The following METTL15 variants were observed in gnomAD, a reference collection of about 807,000 sequenced individuals.
METTL15 encodes the protein 12S rRNA N(4)-cytidine methyltransferase METTL15.
A neutral mutation model predicts 38.3 loss-of-function variants in METTL15; 34 were observed. That is an observed-to-expected ratio of 0.89 (90% CI 0.68 to 1.18). METTL15 has a LOEUF of 1.18. METTL15 is among the 50% of genes most tolerant of loss of function. METTL15 has a pLI of 0.00. For synonymous variants in METTL15, 162 were observed against 170.9 expected (o/e 0.95, Z 0.41); for missense variants, 438 against 498.4 (o/e 0.88, Z 1.15).
intron 6 of METTL15, among the ~76,000 whole-genome samples, chr11:28,430,940 G>A (rs867251118): frequency 8.3e-5 from 9 of 108,014 alleles, no homozygotes; most frequent in East Asian, 5.4e-4. Context: ...CGCCCCGTCC[G>A]GGAGGTGAGG....
intron 6 of METTL15, among the ~76,000 whole-genome samples, chr11:28,500,088 C>G (rs1271747349): frequency 2.6e-5 from 4 of 151,248 alleles, no homozygotes; most frequent in African/African-American, 7.3e-5. Context: ...AAGATGAAGT[C>G]CTGATGCCTT....
At chr11:28,387,141 T>G (rs1037177547) in intron 5 of METTL15, among the ~76,000 whole-genome samples, 2 of 151,770 alleles carry the variant, frequency 1.3e-5, no homozygotes, top group African/African-American at 4.8e-5. Context: ...ATTTTATGCC[T>G]CAGAGAAATA....
intron 4 of METTL15, among the ~76,000 whole-genome samples, chr11:28,284,146 C>T (rs983479732): frequency 6.6e-6 from 1 of 152,110 alleles, no homozygotes; most frequent in Non-Finnish European, 1.5e-5. Flanking sequence ...AAACACATAA[C>T]TGATGTAGCA....
At chr11:28,483,610 A>G (rs1219169977) in intron 6 of METTL15, among the ~76,000 whole-genome samples, 1 of 152,202 alleles carries the variant, frequency 6.6e-6, no homozygotes, top group African/African-American at 2.4e-5. Flanking sequence ...TGTGGGCCAT[A>G]TAGCCTGTGT....
At chr11:28,194,605 T>A (rs1036881411) in intron 3 of METTL15, among the ~76,000 whole-genome samples, 13 of 152,142 alleles carry the variant, frequency 8.5e-5, no homozygotes, top group South Asian at 2.1e-4. Flanking sequence ...ATACATTTTT[T>A]AATAAGGAAA....
At chr11:28,499,733 G>A (rs1054131196) in intron 6 of METTL15, among the ~76,000 whole-genome samples, 1 of 152,116 alleles carries the variant, frequency 6.6e-6, no homozygotes, top group Non-Finnish European at 1.5e-5. Flanking sequence ...ACACTGTTGG[G>A]CATTTCAGAG....
chr11:28,245,629 T>C (rs993625792), intron 4 of METTL15, among the ~76,000 whole-genome samples: 2 of 152,208 alleles, frequency 1.3e-5, no homozygotes, highest in African/African-American at 4.8e-5. Context: ...TGGTCCATTC[T>C]CACATTGCTA....
At chr11:28,351,652 T>A (rs1432388882) in intron 3 of METTL15, among the ~76,000 whole-genome samples, 1 of 152,224 alleles carries the variant, frequency 6.6e-6, no homozygotes, top group African/African-American at 2.4e-5. Context: ...TAGTATGATA[T>A]ATGTGTCTTT....
At chr11:28,312,794 T>G (rs1052795525) in intron 6 of METTL15, among the ~76,000 whole-genome samples, 5 of 152,128 alleles carry the variant, frequency 3.3e-5, no homozygotes, top group African/African-American at 1.2e-4. Flanking sequence ...CAACTCATCC[T>G]CTTCTCAGGA....
At chr11:28,208,142 C>T (rs1005629868) in intron 3 of METTL15, among the ~76,000 whole-genome samples, 4 of 151,928 alleles carry the variant, frequency 2.6e-5, no homozygotes, top group African/African-American at 4.8e-5. Context: ...TATTTCTTGC[C>T]TTCTGCTAAC....
intron 4 of METTL15, among the ~76,000 whole-genome samples, chr11:28,227,833 C>T (rs2133876837): frequency 6.6e-6 from 1 of 152,006 alleles, no homozygotes; most frequent in Non-Finnish European, 1.5e-5. Flanking sequence ...GGAATTGCTG[C>T]TGTATCTGAA....
intron 6 of METTL15, among the ~76,000 whole-genome samples, chr11:28,483,019 C>G (rs1851408332): frequency 1.3e-5 from 2 of 151,742 alleles, no homozygotes; most frequent in Admixed American, 6.6e-5. Flanking sequence ...CCCCACATAA[C>G]CATACTTCAG....
intron 6 of METTL15, among the ~76,000 whole-genome samples, chr11:28,470,823 G>A (rs756251554): frequency 2.1e-4 from 32 of 152,074 alleles, no homozygotes; most frequent in Admixed American, 2.6e-4. Flanking sequence ...CATTTTCCAC[G>A]AAAAATTCCT....
intron 5 of METTL15, among the ~76,000 whole-genome samples, chr11:28,375,320 A>G (rs1464019082): frequency 6.6e-6 from 1 of 151,100 alleles, no homozygotes; most frequent in African/African-American, 2.4e-5. Flanking sequence ...TTGGTAAGCT[A>G]TTGATTATTG....
chr11:28,262,998 TTTC>T (rs1401620534), intron 4 of METTL15, among the ~76,000 whole-genome samples: 2 of 152,040 alleles, frequency 1.3e-5, no homozygotes, highest in Non-Finnish European at 2.9e-5. Context: ...CCATGTCTGT[TTTC>T]TTTTTTTTAA....
intron 5 of METTL15, among the ~76,000 whole-genome samples, chr11:28,380,646 T>C (rs1019961034): frequency 1.3e-5 from 2 of 152,310 alleles, no homozygotes; most frequent in African/African-American, 4.8e-5. Context: ...AAATCTATTA[T>C]AGGTTTTTGC....
chr11:28,487,972 G>T (rs1851451974), intron 6 of METTL15, among the ~76,000 whole-genome samples: 1 of 152,136 alleles, frequency 6.6e-6, no homozygotes, highest in Non-Finnish European at 1.5e-5. Context: ...GTACAATAGA[G>T]AATTGTAGCT....
intron 6 of METTL15, among the ~76,000 whole-genome samples, chr11:28,501,981 G>A (rs1474263736): frequency 6.6e-6 from 1 of 151,804 alleles, no homozygotes; most frequent in African/African-American, 2.4e-5. Flanking sequence ...GGCGCCTGTA[G>A]TCCCAGCTAC....
At chr11:28,511,256 C>A (rs1007515782) in intron 6 of METTL15, among the ~76,000 whole-genome samples, 1 of 152,078 alleles carries the variant, frequency 6.6e-6, no homozygotes, top group African/African-American at 2.4e-5. Context: ...TACTAATAGC[C>A]TGGTGTTGAC....
Sources: allele counts gnomAD v4.1 joint callset (sites outside exome capture counted in the v4.1 genomes callset), GRCh38; gene constraint gnomAD v4.1.1; transcripts MANE v1.5; gene names NCBI Gene and HGNC (gene_info 2026-07-23, HGNC 2026-07-21).